The following DMD variants were observed in gnomAD, a reference collection of about 807,000 sequenced individuals.
DMD encodes the protein mutant dystrophin.
Under a neutral mutation model 330.1 loss-of-function variants are expected in DMD, and 63 were observed. That is an observed-to-expected ratio of 0.19 (90% CI 0.16 to 0.24). The LOEUF (loss-of-function observed/expected upper bound fraction) is 0.24. Ranked by LOEUF, DMD falls within the 10% of genes least tolerant of loss-of-function variation. The pLI, the probability that DMD is intolerant of heterozygous loss-of-function variation, is 1.00. For missense variants in DMD, 3,344 were observed against 2,684.1 expected (o/e 1.25, Z -5.43); for synonymous variants, 1,223 against 959.8 (o/e 1.27, Z -5.07).
chrX:32,919,597 A>G (rs1243385591), intron 2 of DMD, among the ~76,000 whole-genome samples: 1 of 111,873 alleles, frequency 8.9e-6, no homozygotes, highest in African/African-American at 3.2e-5. Context: ...CTCTTCAAAG[A>G]AAGTTTTTCA....
chrX:32,561,697 G>T (rs112567186), intron 16 of DMD, among the ~76,000 whole-genome samples: 1 of 111,062 alleles, frequency 9.0e-6, no homozygotes, highest in Admixed American at 9.6e-5. Flanking sequence ...CAAATTCAGG[G>T]AATGCAAGAT....
At chrX:32,453,104 C>G (rs1414628716) in intron 26 of DMD, among the ~76,000 whole-genome samples, 1 of 110,874 alleles carries the variant, frequency 9.0e-6, no homozygotes, top group Non-Finnish European at 1.9e-5. Flanking sequence ...GAACATTATT[C>G]ATTCTTGATT....
intron 2 of DMD, among the ~76,000 whole-genome samples, chrX:32,975,244 A>AT (rs1438941145): frequency 9.0e-6 from 1 of 110,772 alleles, no homozygotes; most frequent in African/African-American, 3.3e-5. Flanking sequence ...TTGATGGACT[A>AT]TTAACAGCCA....
chrX:32,445,625 C>G (rs2098300360), intron 27 of DMD, among the ~76,000 whole-genome samples: 1 of 110,353 alleles, frequency 9.1e-6, no homozygotes, highest in African/African-American at 3.3e-5. Flanking sequence ...AAGCCAACTA[C>G]CAGGCAGAAG....
At chrX:32,006,311 C>T (rs1307232684) in intron 44 of DMD, among the ~76,000 whole-genome samples, 3 of 111,391 alleles carry the variant, frequency 2.7e-5, no homozygotes, top group Admixed American at 1.9e-4. Context: ...AATGATTTTT[C>T]CTCAGTTATT....
chrX:32,553,451 T>A (rs2049816006), intron 16 of DMD, among the ~76,000 whole-genome samples: 1 of 110,790 alleles, frequency 9.0e-6, no homozygotes, highest in African/African-American at 3.3e-5. Flanking sequence ...AAAAAACTAC[T>A]TATTGGGTAC....
chrX:33,336,252 CG>C, intron 1 of DMD, among the ~76,000 whole-genome samples: 1 of 97,960 alleles, frequency 1.0e-5, no homozygotes, highest in Non-Finnish European at 2.0e-5. Context: ...TTTTCCAAAG[CG>C]TGTGTGTGTG....
chrX:32,446,807 A>T (rs2098307024), intron 27 of DMD, among the ~76,000 whole-genome samples: 2 of 110,381 alleles, frequency 1.8e-5, no homozygotes, highest in Non-Finnish European at 3.8e-5. Context: ...AGGTATAGAG[A>T]AATATTTATA....
At chrX:31,529,390 TAAATAAAATA>T (rs778003859) in intron 55 of DMD, among the ~76,000 whole-genome samples, 12 of 109,440 alleles carry the variant, frequency 1.1e-4, no homozygotes, top group African/African-American at 1.3e-4. Context: ...GTCTCTAAAA[TAAATAAAATA>T]AAATAAAATA....
At chrX:32,618,259 C>T (rs2057732413) in intron 11 of DMD, among the ~76,000 whole-genome samples, 1 of 111,980 alleles carries the variant, frequency 8.9e-6, no homozygotes, top group African/African-American at 3.2e-5. Context: ...AGACAATCAA[C>T]CTAAATGCTT....
At chrX:32,990,142 T>C (rs1012022487) in intron 2 of DMD, among the ~76,000 whole-genome samples, 1 of 112,088 alleles carries the variant, frequency 8.9e-6, no homozygotes, top group African/African-American at 3.2e-5. Context: ...TAAGAGTTTA[T>C]TTCAGAGTGT....
intron 37 of DMD, among the ~76,000 whole-genome samples, chrX:32,351,489 GT>G (rs1203823386): frequency 0.012 from 1,252 of 101,641 alleles, 14 homozygotes; most frequent in African/African-American, 0.014. Context: ...ACAGGGTGCA[GT>G]TTTTTTTTTT....
chrX:32,485,775 C>T (rs748991915), intron 20 of DMD, among the ~76,000 whole-genome samples: 2 of 66,733 alleles, frequency 3.0e-5, no homozygotes, highest in South Asian at 1.1e-3. Context: ...CAGAGTCTCG[C>T]TCTTGTTGCC....
chrX:33,333,211 C>A (rs937185444), intron 1 of DMD, among the ~76,000 whole-genome samples: 12 of 111,371 alleles, frequency 1.1e-4, no homozygotes, highest in African/African-American at 3.9e-4. Flanking sequence ...AAAAACAATA[C>A]TTTCACAGAA....
intron 16 of DMD, among the ~76,000 whole-genome samples, chrX:32,561,717 A>T (rs965331719): frequency 9.0e-6 from 1 of 111,525 alleles, no homozygotes; most frequent in Non-Finnish European, 1.9e-5. Context: ...TACTGAGCAG[A>T]CCAACCCCAA....
chrX:31,183,022 C>A, intron 67 of DMD, 118 bp from the exon 68 acceptor site: 1 of 647,744 alleles, frequency 1.5e-6, no homozygotes, highest in Non-Finnish European at 2.3e-6. Flanking sequence ...ATAGAAAGAA[C>A]AATGGTTGCA....
At chrX:31,941,058 C>G (rs993524883) in intron 45 of DMD, among the ~76,000 whole-genome samples, 4 of 111,700 alleles carry the variant, frequency 3.6e-5, no homozygotes, top group Non-Finnish European at 7.5e-5. Context: ...TTTAATAGAT[C>G]CAATCAACTA....
At chrX:32,565,374 G>A (rs1304558290) in intron 16 of DMD, among the ~76,000 whole-genome samples, 2 of 111,387 alleles carry the variant, frequency 1.8e-5, no homozygotes, top group African/African-American at 6.5e-5. Flanking sequence ...AATGTTCCTC[G>A]TGGTTCTAGC....
rs191654450 is a variant in DMD at position 32,999,707 on chromosome X, C to T, written c.93+20432G>A. On this transcript the variant is annotated intron_variant, in intron 2 of 78. Transcript: ENST00000357033. Reference sequence around the variant, plus strand: ...AGGAGAATCGCTTGAACTAGGGAGTCGGAGGTTGCAGTGAGCCAAGAGTGT... The same window carrying T: ...AGGAGAATCGCTTGAACTAGGGAGTTGGAGGTTGCAGTGAGCCAAGAGTGT... 6.9e-4 allele frequency among the ~76,000 whole-genome samples: 76 copies of T among 109,638 alleles called. 2 individuals are homozygous for T. The East Asian group carries it at 0.021, about 30-fold the overall frequency.
Sources: gnomAD v4.1 joint callset for allele counts (sites outside exome capture counted in the v4.1 genomes callset) on GRCh38, gnomAD v4.1.1 for gene constraint, MANE v1.5 for transcripts, NCBI Gene and HGNC (gene_info 2026-07-23, HGNC 2026-07-21) for gene names.